The following ROR2 variants were observed in gnomAD, a reference collection of about 807,000 sequenced individuals.
ROR2 encodes tyrosine-protein kinase transmembrane receptor ROR2.
In ROR2, 33 loss-of-function variants were observed where a neutral mutation model predicts 74.9. The ratio of observed to expected loss-of-function variants is 0.44; its 90% CI spans 0.33 to 0.59. ROR2 has a LOEUF of 0.59. ROR2 is among the 20% of genes least tolerant of loss of function. The pLI is 0.02. For synonymous variants in ROR2, 586 were observed against 558.7 expected (o/e 1.05, Z -0.69); for missense variants, 1,216 against 1,313.8 (o/e 0.93, Z 1.15).
chr9:91,839,541 T>C (rs1828721901), intron 1 of ROR2, among the ~76,000 whole-genome samples: 1 of 151,676 alleles, frequency 6.6e-6, no homozygotes, highest in Admixed American at 6.6e-5. Flanking sequence ...GGGAGGTATA[T>C]GAGTGTGGTG....
intron 7 of ROR2, among the ~76,000 whole-genome samples, chr9:91,726,982 G>A (rs993359317): frequency 6.6e-6 from 1 of 152,124 alleles, no homozygotes; most frequent in African/African-American, 2.4e-5. Flanking sequence ...GGAAACAAGC[G>A]GGAATATGCA....
At chr9:91,746,857 GGTGTGTGTGTGT>G (rs57891940) in intron 4 of ROR2, among the ~76,000 whole-genome samples, 47 of 150,028 alleles carry the variant, frequency 3.1e-4, no homozygotes, top group Admixed American at 1.5e-3. Context: ...TCCTTGAGCA[GGTGTGTGTGTGT>G]GTGTGTGTGT....
At chr9:91,757,199 C>G in intron 3 of ROR2, 73 bp downstream of exon 3, 1 of 1,580,872 alleles carries the variant, frequency 6.3e-7, no homozygotes, top group Non-Finnish European at 8.7e-7. Flanking sequence ...TTTCAAATAG[C>G]AACTGGACCT....
chr9:91,799,086 G>T (rs1827290228), intron 1 of ROR2, among the ~76,000 whole-genome samples: 1 of 152,124 alleles, frequency 6.6e-6, no homozygotes, highest in African/African-American at 2.4e-5. Context: ...ATTTGGCATT[G>T]TTCCTTTTCT....
rs973941499 is a variant in ROR2, at chr9:91,723,228, C to T, written c.*434G>A. 2 of 173,512 alleles carry T rather than the reference C, an allele frequency of 1.2e-5. No individual in the cohort carries two copies. The highest frequency in any genetic ancestry group is 2.4e-5 in the African/African-American group (1 of 41,932). The allele number at this position is 173,512 out of a possible 1,614,324, so 10.7% of individuals were successfully genotyped here. ...TCATCCTCAAACCAACAGACCAGAT[C>T]GGTTGTCAGGAACCTCAAGACCCGA... is the stretch of plus-strand genomic sequence containing the variant. On this transcript the variant is annotated 3_prime_UTR_variant, in exon 9 of 9. Transcript: ENST00000375708.
chr9:91,885,043 C>T (rs1336134758), intron 1 of ROR2, among the ~76,000 whole-genome samples: 2 of 152,144 alleles, frequency 1.3e-5, no homozygotes, highest in Non-Finnish European at 2.9e-5. Flanking sequence ...CTGTGTGTGG[C>T]TCACGAACCC....
At chr9:91,730,443 C>T (rs1216029711) in intron 7 of ROR2, among the ~76,000 whole-genome samples, 1 of 152,154 alleles carries the variant, frequency 6.6e-6, no homozygotes, top group African/African-American at 2.4e-5. Flanking sequence ...ACTTTCATAA[C>T]AACCAATAAC....
At chr9:91,814,232 G>A (rs59845812) in intron 1 of ROR2, among the ~76,000 whole-genome samples, 3,108 of 152,142 alleles carry the variant, frequency 0.02, 96 homozygotes, top group East Asian at 0.16. Flanking sequence ...GAATGTTTGA[G>A]GAAAAAAATC....
intron 1 of ROR2, among the ~76,000 whole-genome samples, chr9:91,819,704 G>C (rs575514124): frequency 1.0e-5 from 1 of 100,406 alleles, no homozygotes; most frequent in East Asian, 3.0e-4. Context: ...GTTTTTCAGT[G>C]TGTTCTGTGT....
At chr9:91,949,758 C>T (rs1449938527) in intron 1 of ROR2, 109 bp downstream of exon 1, 5 of 756,606 alleles carry the variant, frequency 6.6e-6, no homozygotes, top group Non-Finnish European at 9.2e-6. Context: ...GCCCCTCGTT[C>T]AGGAGCATGG....
intron 1 of ROR2, among the ~76,000 whole-genome samples, chr9:91,838,768 C>G (rs778498488): frequency 6.6e-6 from 1 of 152,146 alleles, no homozygotes; most frequent in African/African-American, 2.4e-5. Context: ...ATTGTGTGTC[C>G]AAGCATTAAC....
chr9:91,906,154 C>T (rs932533998), intron 1 of ROR2, among the ~76,000 whole-genome samples: 1 of 152,098 alleles, frequency 6.6e-6, no homozygotes, highest in Non-Finnish European at 1.5e-5. Flanking sequence ...ACCACAACTC[C>T]GCCTGCAGAA....
At chr9:91,885,821 G>T (rs1437776519) in intron 1 of ROR2, among the ~76,000 whole-genome samples, 1 of 148,660 alleles carries the variant, frequency 6.7e-6, no homozygotes, top group Admixed American at 6.7e-5. Context: ...TGTGAACTGT[G>T]AATATTTTAT....
chr9:91,864,291 G>T (rs1829562497), intron 1 of ROR2, among the ~76,000 whole-genome samples: 2 of 152,186 alleles, frequency 1.3e-5, no homozygotes, highest in South Asian at 4.1e-4. Context: ...CAGTGATTCT[G>T]GCCAGAACAA....
chr9:91,776,905 A>C (rs1205698801), intron 1 of ROR2, among the ~76,000 whole-genome samples: 1 of 152,194 alleles, frequency 6.6e-6, no homozygotes, highest in African/African-American at 2.4e-5. Context: ...ACCCCAAAGA[A>C]AAATAAGCTT....
At chr9:91,943,462 C>T (rs1379207741) in intron 1 of ROR2, among the ~76,000 whole-genome samples, 3 of 152,138 alleles carry the variant, frequency 2.0e-5, no homozygotes, top group Non-Finnish European at 4.4e-5. Context: ...CCAGATTCTT[C>T]CTTGCCTTCC....
Position 91,839,275 on chromosome 9 carries a change from T to TGTGTGTGTGTGTGTAAGTACAGGC in ROR2, c.98-63458_98-63457insGCCTGTACTTACACACACACACAC, listed in dbSNP as rs1554681708. Among the ~76,000 whole-genome samples, 512 of 145,934 alleles carry TGTGTGTGTGTGTGTAAGTACAGGC rather than the reference T, an allele frequency of 3.5e-3. 1 individual carries two copies. The highest frequency in any genetic ancestry group is 7.0e-3 in the South Asian group (32 of 4,540). ...GGGTGTGTGTGTGTGTGTGTGTGTGTGTGTGTGTGTGTGTGTGTGTAAGTA... is the reference window on the plus strand; with the variant it reads ...GGGTGTGTGTGTGTGTGTGTGTGTGTGTGTGTGTGTGTGTAAGTACAGGCGTGTGTGTGTGTGTGTGTGTAAGTA... On this transcript the variant is annotated intron_variant, in intron 1 of 8. Coordinates refer to ENST00000375708, the MANE Select transcript of ROR2 (RefSeq NM_004560.4).
chr9:91,815,373 T>A (rs1020151573), intron 1 of ROR2, among the ~76,000 whole-genome samples: 1 of 152,186 alleles, frequency 6.6e-6, no homozygotes, highest in Non-Finnish European at 1.5e-5. Context: ...ACCACAGGCA[T>A]TTTCATTCAT....
chr9:91,821,183 A>T (rs556507059), intron 1 of ROR2, among the ~76,000 whole-genome samples: 19 of 151,886 alleles, frequency 1.3e-4, no homozygotes, highest in African/African-American at 4.6e-4. Context: ...AGAAGACAGC[A>T]TCTGCAATCC....
Sources: gnomAD v4.1 joint callset for allele counts (sites outside exome capture counted in the v4.1 genomes callset) on GRCh38, gnomAD v4.1.1 for gene constraint, MANE v1.5 for transcripts, NCBI Gene and HGNC (gene_info 2026-07-23, HGNC 2026-07-21) for gene names.